The following ATF2 variants were observed in gnomAD, a reference collection of about 807,000 sequenced individuals.
The protein encoded by ATF2 is activating transcription factor 2, also known as cyclic AMP-dependent transcription factor ATF-2.
A neutral mutation model predicts 60.6 loss-of-function variants in ATF2; 24 were observed. The observed-to-expected ratio is 0.40, with a 90% CI of 0.29 to 0.56. ATF2 has a LOEUF of 0.56. ATF2 is among the 20% of genes least tolerant of loss of function. The pLI, the probability that ATF2 is intolerant of heterozygous loss-of-function variation, is 0.54. For synonymous variants in ATF2, 206 were observed against 215.4 expected (o/e 0.96, Z 0.38); for missense variants, 433 against 607.7 (o/e 0.71, Z 3.02).
chr2:175,152,247 C>A (rs1192417073), intron 1 of ATF2, among the ~76,000 whole-genome samples: 4 of 152,078 alleles, frequency 2.6e-5, no homozygotes, highest in Non-Finnish European at 5.9e-5. Context: ...GGAGCCAAGA[C>A]TAACATTCAT....
intron 7 of ATF2, among the ~76,000 whole-genome samples, chr2:175,116,426 G>T (rs1696574874): frequency 6.6e-6 from 1 of 151,982 alleles, no homozygotes; most frequent in Non-Finnish European, 1.5e-5. Flanking sequence ...GGGAAAACTG[G>T]GGGAAGAATC....
chr2:175,147,121 G>C (rs1350064899), intron 2 of ATF2, among the ~76,000 whole-genome samples: 6 of 152,098 alleles, frequency 3.9e-5, no homozygotes, highest in African/African-American at 1.4e-4. Context: ...GACTCAAAGG[G>C]TGATATCATA....
intron 13 of ATF2, among the ~76,000 whole-genome samples, chr2:175,075,547 A>T (rs1258726047): frequency 2.0e-5 from 3 of 152,218 alleles, no homozygotes; most frequent in Non-Finnish European, 4.4e-5. Context: ...AAATATTTAG[A>T]CCTGAACAAG....
chr2:175,106,539 A>C (rs1205399), intron 10 of ATF2, among the ~76,000 whole-genome samples: 36,841 of 150,650 alleles, frequency 0.24, 5,514 homozygotes, highest in African/African-American at 0.43. Context: ...ACAACAACAA[A>C]AAAAAAAGAA....
intron 2 of ATF2, among the ~76,000 whole-genome samples, chr2:175,138,268 G>A (rs1698270019): frequency 6.6e-6 from 1 of 152,000 alleles, no homozygotes; most frequent in Admixed American, 6.6e-5. Flanking sequence ...TTTGTACTTG[G>A]CATGAGTACT....
intron 7 of ATF2, among the ~76,000 whole-genome samples, chr2:175,115,095 T>G (rs967191839): frequency 4.0e-5 from 6 of 151,750 alleles, no homozygotes; most frequent in African/African-American, 1.4e-4. Flanking sequence ...TTTTTTCCAG[T>G]ACAACTTGTT....
intron 4 of ATF2, among the ~76,000 whole-genome samples, chr2:175,128,652 C>T (rs561009041): frequency 4.9e-4 from 74 of 152,074 alleles, no homozygotes; most frequent in African/African-American, 1.7e-3. Context: ...AAATTTCTGA[C>T]AAGTCACAGA....
chr2:175,108,754 A>G lies in ATF2; in HGVS notation c.828+2814T>C, dbSNP rs576240321. ...TAGAAAAGGGGGAAAGGTGGGGAAAAGATAGAGAAATCAGATTGTTGCTGT... is the reference window on the plus strand; with the variant it reads ...TAGAAAAGGGGGAAAGGTGGGGAAAGGATAGAGAAATCAGATTGTTGCTGT... On this transcript the variant is annotated intron_variant, in intron 10 of 13. Transcript: ENST00000264110. Among the ~76,000 whole-genome samples the G allele has an allele frequency of 2.6e-5, 4 of 151,766 alleles. No individual in the cohort carries two copies. The South Asian group carries it at 8.3e-4, about 31-fold the overall frequency.
At position 175,136,411 on chromosome 2, in the gene ATF2, C is replaced by A; in HGVS notation, c.32+1G>T. ...AAAAATACCAAATATTGCACACATA[C>A]CTGGCAGAATTCACATGTAACTTGA... is the stretch of plus-strand genomic sequence containing the variant. On this transcript the variant is annotated splice_donor_variant, in intron 3 of 13. Transcript: ENST00000264110. LOFTEE classifies it high-confidence loss of function. 6.2e-7 allele frequency: 1 copy of A among 1,609,452 alleles called. No homozygotes were observed. The highest frequency in any genetic ancestry group is 8.5e-7 in the Non-Finnish European group (1 of 1,178,008).
chr2:175,151,081 A>G lies in ATF2; in HGVS notation c.-65T>C, dbSNP rs1699283924. ...TTACCTTTCTAGCTGGTGGGCCATG[A>G]GCTTTATTTACTCTGCTTCCAGGAA... On this transcript the variant is annotated 5_prime_UTR_variant, in exon 2 of 14. Coordinates refer to ENST00000264110, the MANE Select transcript of ATF2 (RefSeq NM_001880.4). 1 of 152,530 alleles carries G rather than the reference A, an allele frequency of 6.6e-6. No homozygotes were observed. Among genetic ancestry groups the G allele is most frequent in the Non-Finnish European group, 1.5e-5 (1 of 67,986 alleles). The allele number at this position is 152,530 out of a possible 1,614,324, so 9.4% of individuals were successfully genotyped here.
chr2:175,102,248 C>G (rs1378121206), intron 10 of ATF2, among the ~76,000 whole-genome samples: 2 of 152,126 alleles, frequency 1.3e-5, no homozygotes, highest in Non-Finnish European at 2.9e-5. Context: ...AAACCAGAAA[C>G]TCTATTTGTT....
rs1054523919 is a variant in ATF2 at position 175,074,304 on chromosome 2, C to A, written c.*305G>T. The A allele has an allele frequency of 5.6e-5, 11 of 197,158 alleles. No homozygotes were observed. Among genetic ancestry groups the A allele is most frequent in the Middle Eastern group, 2.4e-3 (1 of 422 alleles). 12.2% of individuals were successfully genotyped at this position (197,158 alleles called of 1,614,324 possible). On this transcript the variant is annotated 3_prime_UTR_variant, in exon 14 of 14. Transcript: ENST00000264110. ...TCAGTAACACCCCCATTTATTAAAA[C>A]ACCAGCAAATTAAAAGTGAAATAAA... is the stretch of plus-strand genomic sequence containing the variant.
intron 3 of ATF2, among the ~76,000 whole-genome samples, chr2:175,136,021 T>TA (rs1174394056): frequency 6.6e-6 from 1 of 150,486 alleles, no homozygotes; most frequent in Non-Finnish European, 1.5e-5. Context: ...CTTTGTTTTT[T>TA]TTTTTTTTTT....
intron 1 of ATF2, among the ~76,000 whole-genome samples, chr2:175,157,198 A>C (rs1023109713): frequency 7.2e-5 from 11 of 152,300 alleles, no homozygotes; most frequent in Non-Finnish European, 1.3e-4. Context: ...TTGTCTCCTC[A>C]CAGTATTAAC....
At chr2:175,163,136 AAAATAAAT>A (rs576175911) in intron 1 of ATF2, among the ~76,000 whole-genome samples, 2,189 of 115,214 alleles carry the variant, frequency 0.019, 20 homozygotes, top group Non-Finnish European at 0.02. Flanking sequence ...TCTGTCTCAA[AAAATAAAT>A]AAATAAATAA....
At chr2:175,130,405 T>C (rs902416757) in intron 3 of ATF2, among the ~76,000 whole-genome samples, 198 bp from the exon 4 acceptor site, 5 of 152,220 alleles carry the variant, frequency 3.3e-5, no homozygotes, top group East Asian at 1.9e-4. Context: ...TTTTGCACTA[T>C]AGGAAAAAGG....
chr2:175,135,254 G>C (rs1020024040), intron 3 of ATF2, among the ~76,000 whole-genome samples: 5 of 152,138 alleles, frequency 3.3e-5, no homozygotes, highest in Admixed American at 3.3e-4. Context: ...GGACCAGGCT[G>C]ACAGCATCTG....
rs1559038689 is a variant in ATF2 at position 175,073,560 on chromosome 2, T to TA, written c.*1048_*1049insT. The stretch of plus-strand genomic sequence containing the variant: ...ACATTGTTCTAAAGATAGATACTGA[T>TA]TTTTTTTTCCACGAGAAACATTATC... On this transcript the variant is annotated 3_prime_UTR_variant, in exon 14 of 14. Coordinates refer to ENST00000264110, the MANE Select transcript of ATF2 (RefSeq NM_001880.4). The TA allele has an allele frequency of 6.6e-6, 1 of 151,598 alleles. No individual in the cohort carries two copies. 9.4% of individuals were successfully genotyped at this position (151,598 alleles called of 1,614,324 possible).
chr2:175,149,607 G>A lies in ATF2; in HGVS notation c.-44+1453C>T, dbSNP rs559617653. Among the ~76,000 whole-genome samples, 10 of 152,190 alleles carry A rather than the reference G, an allele frequency of 6.6e-5. No individual in the cohort carries two copies. In the South Asian group the frequency reaches 2.1e-3, roughly 32 times the overall value. ...GCACAAGCTACTGCTAAGTTGAAGG[G>A]AGAATAATGGTCTGAACTAAAGCAG... On this transcript the variant is annotated intron_variant, in intron 2 of 13. Coordinates refer to ENST00000264110, the MANE Select transcript of ATF2 (RefSeq NM_001880.4).
Sources: allele counts gnomAD v4.1 joint callset (sites outside exome capture counted in the v4.1 genomes callset), GRCh38; gene constraint gnomAD v4.1.1; transcripts MANE v1.5; gene names NCBI Gene and HGNC (gene_info 2026-07-23, HGNC 2026-07-21).